The following MYO6 variants were observed in gnomAD, a reference collection of about 807,000 sequenced individuals.
MYO6 encodes unconventional myosin-VI.
Under a neutral mutation model 178.7 loss-of-function variants are expected in MYO6, and 74 were observed. That is an observed-to-expected ratio of 0.41 (90% confidence interval 0.34 to 0.50). The LOEUF (loss-of-function observed/expected upper bound fraction) is 0.50, where lower values mean the gene tolerates loss of function less well. Among genes scored for constraint, MYO6 ranks in the 20% least tolerant of loss-of-function variants. The probability of loss-of-function intolerance (pLI) is 0.09; values close to 1 mark genes in which losing one functional copy is unlikely to be tolerated. For synonymous variants in MYO6, 477 were observed against 504.6 expected (o/e 0.95, Z 0.73); for missense variants, 1,330 against 1,547.4 (o/e 0.86, Z 2.36).
chr6:75,879,908 G>A lies in MYO6; in HGVS notation c.2166G>A (p.Met722Ile). The A allele has an allele frequency of 6.2e-7, 1 of 1,614,110 alleles. No homozygotes were observed. The highest frequency in any genetic ancestry group is 8.5e-7 in the Non-Finnish European group (1 of 1,180,008). Residue 722 changes from methionine to isoleucine, a missense_variant, in exon 21 of 35, where the codon ATG (methionine) becomes ATA (isoleucine). By Grantham distance (10) the Met-to-Ile change is conservative. This residue lies in a region of MYO6 where 613 missense variants were observed against 816.8 expected (regional missense o/e 0.75). Coordinates refer to ENST00000369977, the MANE Select transcript of MYO6 (RefSeq NM_004999.4). Reference protein sequence around the residue: ...HELYNMYKKYMPDKLARLDPR... With the variant: ...HELYNMYKKYIPDKLARLDPR... The stretch of plus-strand genomic sequence containing the variant: ...TCTACAACATGTACAAAAAGTATAT[G>A]CCAGATAAACTTGCAAGATTGGATC...
intron 29 of MYO6, among the ~76,000 whole-genome samples, chr6:75,895,742 T>C (rs567642803): frequency 6.6e-6 from 1 of 152,244 alleles, no homozygotes; most frequent in Non-Finnish European, 1.5e-5. Flanking sequence ...GGTCTCAATC[T>C]CTTGACCTCG....
chr6:75,755,281 A>G (rs553088581), intron 1 of MYO6, among the ~76,000 whole-genome samples: 2 of 152,250 alleles, frequency 1.3e-5, no homozygotes, highest in African/African-American at 4.8e-5. Context: ...TTCAAGGTCA[A>G]TGTGGCTACT....
rs535698663 is a variant in MYO6, at chr6:75,871,330, A to G, written c.1983+645A>G. On this transcript the variant is annotated intron_variant, in intron 19 of 34. Coordinates refer to ENST00000369977, the MANE Select transcript of MYO6 (RefSeq NM_004999.4). ...AGTGGTGCAATCACAACTCGCTGCA[A>G]CCTCCGCCTCTCTGGTTAAAGTGGT... Among the ~76,000 whole-genome samples the G allele has an allele frequency of 2.4e-4, 37 of 152,206 alleles. 3 individuals are homozygous for G. In the South Asian group the frequency reaches 6.6e-3, roughly 27 times the overall value.
At chr6:75,827,489 AG>A (rs1772604240) in intron 3 of MYO6, among the ~76,000 whole-genome samples, 1 of 152,216 alleles carries the variant, frequency 6.6e-6, no homozygotes, top group Admixed American at 6.5e-5. Context: ...GGATGTTGAT[AG>A]AGACCCAGTG....
intron 30 of MYO6, among the ~76,000 whole-genome samples, chr6:75,898,892 A>G (rs568076056): frequency 6.6e-6 from 1 of 152,368 alleles, no homozygotes; most frequent in South Asian, 2.1e-4. Flanking sequence ...AGCCACCAGC[A>G]GGATCTGGTC....
intron 10 of MYO6, among the ~76,000 whole-genome samples, chr6:75,846,519 T>C (rs1470040260): frequency 6.6e-6 from 1 of 152,194 alleles, no homozygotes; most frequent in Non-Finnish European, 1.5e-5. Flanking sequence ...TGGCATTTTA[T>C]ATATCATTAT....
At chr6:75,750,175 AC>A (rs900975300) in intron 1 of MYO6, among the ~76,000 whole-genome samples, 29 of 141,816 alleles carry the variant, frequency 2.0e-4, no homozygotes, top group African/African-American at 6.8e-4. Context: ...CTCTCACTGC[AC>A]CCTCCCCCTC....
At chr6:75,764,740 C>G (rs961622106) in intron 1 of MYO6, among the ~76,000 whole-genome samples, 7 of 151,916 alleles carry the variant, frequency 4.6e-5, no homozygotes, top group African/African-American at 1.7e-4. Flanking sequence ...ATGATTTGAT[C>G]CAGGCCAGGC....
chr6:75,783,409 A>C (rs139656238), intron 1 of MYO6, among the ~76,000 whole-genome samples: 1 of 152,340 alleles, frequency 6.6e-6, no homozygotes, highest in Non-Finnish European at 1.5e-5. Flanking sequence ...ACGTCGAAGT[A>C]GACTTGTTAA....
At chr6:75,780,876 C>T (rs1201267466) in intron 1 of MYO6, among the ~76,000 whole-genome samples, 1 of 151,250 alleles carries the variant, frequency 6.6e-6, no homozygotes, top group Non-Finnish European at 1.5e-5. Flanking sequence ...GGCTTGATCT[C>T]GGCTCACTGC....
At chr6:75,894,435 G>A (rs1304081319) in intron 28 of MYO6, among the ~76,000 whole-genome samples, 1 of 152,180 alleles carries the variant, frequency 6.6e-6, no homozygotes, top group Non-Finnish European at 1.5e-5. Flanking sequence ...TATGAAGAAT[G>A]CCCTTCAAAT....
chr6:75,839,583 G>A (rs1180127910), intron 7 of MYO6, among the ~76,000 whole-genome samples: 1 of 152,148 alleles, frequency 6.6e-6, no homozygotes, highest in Non-Finnish European at 1.5e-5. Flanking sequence ...GAGAATATGT[G>A]TGTAAGATTA....
At chr6:75,757,403 A>G (rs991876894) in intron 1 of MYO6, among the ~76,000 whole-genome samples, 5 of 150,664 alleles carry the variant, frequency 3.3e-5, no homozygotes, top group African/African-American at 1.2e-4. Flanking sequence ...ATATATACAC[A>G]CACACACATA....
intron 1 of MYO6, among the ~76,000 whole-genome samples, chr6:75,774,829 G>A (rs1766222160): frequency 6.6e-6 from 1 of 151,182 alleles, no homozygotes; most frequent in South Asian, 2.1e-4. Context: ...GTCTCACTCT[G>A]TCACCCAGGC....
At position 75,907,634 on chromosome 6, in the gene MYO6, C is replaced by G; in HGVS notation, c.3206C>G (p.Ala1069Gly). The change falls in exon 31 of 35, where the codon GCT becomes GGT. Residue 1069 changes from alanine to glycine, a missense_variant. Physicochemically the swap from Ala to Gly is moderately conservative, Grantham distance 60 (BLOSUM62 0). This residue lies in a region of MYO6 where 601 missense variants were observed against 626.1 expected (regional missense o/e 0.96). Coordinates refer to ENST00000369977, the MANE Select transcript of MYO6 (RefSeq NM_004999.4). ...CCTGCTGTACTAGCCACCAAAGCAG[C>G]TGCTGGTACTAAGAAATATGATCTT... Reference protein sequence around the residue: ...RGPAVLATKAAAGTKKYDLSK... With the variant: ...RGPAVLATKAGAGTKKYDLSK... 1 of 1,613,634 alleles carries G rather than the reference C, an allele frequency of 6.2e-7. No individual in the cohort carries two copies. Among genetic ancestry groups the G allele is most frequent in the Non-Finnish European group, 8.5e-7 (1 of 1,179,808 alleles).
intron 1 of MYO6, among the ~76,000 whole-genome samples, chr6:75,757,023 A>G (rs570398173): frequency 7.1e-6 from 1 of 141,534 alleles, no homozygotes; most frequent in South Asian, 2.3e-4. Flanking sequence ...ATATGTATAC[A>G]CACATATATA....
chr6:75,894,900 A>G, intron 28 of MYO6: 2 of 1,142,796 alleles, frequency 1.8e-6, no homozygotes, highest in South Asian at 1.6e-5. Flanking sequence ...TCAATTACAC[A>G]TATGATTCTT....
chr6:75,850,675 A>G (rs968815552), intron 11 of MYO6, among the ~76,000 whole-genome samples: 2 of 152,234 alleles, frequency 1.3e-5, no homozygotes, highest in African/African-American at 4.8e-5. Context: ...GCTTTACCAC[A>G]TACTGTCTGT....
At chr6:75,806,546 A>G (rs1198182220) in intron 1 of MYO6, among the ~76,000 whole-genome samples, 7 of 152,218 alleles carry the variant, frequency 4.6e-5, no homozygotes, top group African/African-American at 1.7e-4. Flanking sequence ...GGCCATAAAC[A>G]AAATCTCTGC....
Sources: allele counts gnomAD v4.1 joint callset (sites outside exome capture counted in the v4.1 genomes callset), GRCh38; gene constraint gnomAD v4.1.1; regional missense constraint gnomAD v4.1.1; transcripts MANE v1.5; gene names NCBI Gene and HGNC (gene_info 2026-07-23, HGNC 2026-07-21).